The following SPMIP11 variants were observed in gnomAD, a reference collection of about 807,000 sequenced individuals.
SPMIP11 encodes sperm microtubule inner protein 11, also known as long intergenic non-protein coding RNA 935.
the SPMIP11 span, among the ~76,000 whole-genome samples, chr12:48,728,707 CAAAAAAAAAAA>C: frequency 0.034 from 2,399 of 71,178 alleles, 41 homozygotes; most frequent in Non-Finnish European, 0.041. Context: ...GACTCTGTCT[CAAAAAAAAAAA>C]AAAAAAAAAA....
the SPMIP11 span, among the ~76,000 whole-genome samples, chr12:48,744,413 TAAAC>T: frequency 1.7e-3 from 260 of 151,832 alleles, 1 homozygote; most frequent in African/African-American, 5.7e-3. Context: ...TTTCCAAAAA[TAAAC>T]AAACAAACAA....
chr12:48,763,424 C>T, the SPMIP11 span, among the ~76,000 whole-genome samples: 1 of 152,120 alleles, frequency 6.6e-6, no homozygotes. Context: ...ATCCATCTGC[C>T]TCTTAAAGTG....
At chr12:48,771,395 C>A in the SPMIP11 span, 2 of 518,754 alleles carry the variant, frequency 3.9e-6, no homozygotes, top group Admixed American at 6.4e-5. The surrounding 1 kb of genome is among the most constrained non-coding windows in gnomAD (Gnocchi z 4.3). Flanking sequence ...CTTGGTTGGT[C>A]TCATGAGGTT....
the SPMIP11 span, among the ~76,000 whole-genome samples, chr12:48,743,246 AAGTC>A: frequency 6.6e-6 from 1 of 151,614 alleles, no homozygotes; most frequent in Non-Finnish European, 1.5e-5. Context: ...AAAAAAAAAA[AAGTC>A]AGGCGTGGTG....
chr12:48,737,259 CTT>C, the SPMIP11 span, among the ~76,000 whole-genome samples: 1 of 150,724 alleles, frequency 6.6e-6, no homozygotes, highest in Middle Eastern at 3.2e-3. Flanking sequence ...TCTCTGGAAA[CTT>C]TTGATTTTCT....
At chr12:48,764,105 C>T in the SPMIP11 span, among the ~76,000 whole-genome samples, 1 of 151,742 alleles carries the variant, frequency 6.6e-6, no homozygotes, top group Non-Finnish European at 1.5e-5. Context: ...GCCTCAGCCT[C>T]CTGAGTAGCT....
chr12:48,758,257 T>C, the SPMIP11 span, among the ~76,000 whole-genome samples: 1 of 152,092 alleles, frequency 6.6e-6, no homozygotes, highest in Non-Finnish European at 1.5e-5. Context: ...CTACACATGG[T>C]GGATAGTAAC....
chr12:48,769,621 C>T, the SPMIP11 span, among the ~76,000 whole-genome samples: 1 of 148,042 alleles, frequency 6.8e-6, no homozygotes, highest in Non-Finnish European at 1.5e-5. Context: ...GAGTCTTGCT[C>T]TGTTGCCCAG....
the SPMIP11 span, among the ~76,000 whole-genome samples, chr12:48,736,413 C>CAAAAA: frequency 4.2e-5 from 3 of 71,832 alleles, no homozygotes; most frequent in African/African-American, 1.1e-4. Flanking sequence ...GACTCTGTCT[C>CAAAAA]AAAAAAAAAA....
chr12:48,760,065 G>A, the SPMIP11 span, among the ~76,000 whole-genome samples: 1 of 152,182 alleles, frequency 6.6e-6, no homozygotes. Flanking sequence ...CCAAAGTGCT[G>A]GGATTACAGG....
At chr12:48,765,506 G>T in the SPMIP11 span, 1 of 679,752 alleles carries the variant, frequency 1.5e-6, no homozygotes, top group South Asian at 1.6e-5. Flanking sequence ...TGGGATTACA[G>T]GCGTGAGCCA....
chr12:48,756,750 T>C, the SPMIP11 span, among the ~76,000 whole-genome samples: 1 of 151,486 alleles, frequency 6.6e-6, no homozygotes, highest in South Asian at 2.1e-4. Context: ...AAACGTCAGA[T>C]GCAGAGATGG....
the SPMIP11 span, among the ~76,000 whole-genome samples, chr12:48,743,926 T>C: frequency 7.8e-5 from 7 of 89,672 alleles, no homozygotes; most frequent in African/African-American, 3.7e-4. Context: ...AGAGCAAGAC[T>C]TCGTCTCAAA....
the SPMIP11 span, chr12:48,764,920 C>A: frequency 3.6e-5 from 25 of 702,954 alleles, no homozygotes; most frequent in East Asian, 6.4e-4. Flanking sequence ...TCCCATGATC[C>A]AGGAGTGCGT....
the SPMIP11 span, chr12:48,765,519 G>A: frequency 5.8e-6 from 4 of 692,362 alleles, no homozygotes; most frequent in East Asian, 2.7e-5. Context: ...GTGAGCCACC[G>A]CGCCCAGCCT....
the SPMIP11 span, among the ~76,000 whole-genome samples, chr12:48,734,493 C>T: frequency 6.0e-4 from 92 of 152,246 alleles, no homozygotes; most frequent in Middle Eastern, 6.8e-3. Context: ...CCATCCCCCA[C>T]CCTTTTTCCA....
chr12:48,769,074 G>A, the SPMIP11 span: 4 of 1,603,914 alleles, frequency 2.5e-6, no homozygotes, highest in African/African-American at 2.7e-5. Flanking sequence ...GAGGTGGAGA[G>A]AACAGCAAGA....
chr12:48,748,260 C>T, the SPMIP11 span, among the ~76,000 whole-genome samples: 1 of 152,078 alleles, frequency 6.6e-6, no homozygotes, highest in Admixed American at 6.6e-5. Context: ...AAAGATTTTG[C>T]TCCTAAAACT....
the SPMIP11 span, among the ~76,000 whole-genome samples, chr12:48,746,577 G>C: frequency 6.6e-6 from 1 of 151,752 alleles, no homozygotes; most frequent in African/African-American, 2.4e-5. Context: ...ATGTTGGTCA[G>C]GCTGATCTCG....
Sources: gnomAD v4.1 joint callset for allele counts (sites outside exome capture counted in the v4.1 genomes callset) on GRCh38, gnomAD v4.1.1 for gene constraint, Gnocchi (gnomAD v3.1) non-coding constraint, MANE v1.5 for transcripts, NCBI Gene and HGNC (gene_info 2026-07-23, HGNC 2026-07-21) for gene names.